The following NAV2 variants were observed in gnomAD, a reference collection of about 807,000 sequenced individuals.
NAV2 encodes helicase, APC down-regulated 1.
In NAV2, 54 loss-of-function variants were observed where a neutral mutation model predicts 223.2. The ratio of observed to expected loss-of-function variants is 0.24; its 90% confidence interval spans 0.19 to 0.30. NAV2 has a LOEUF of 0.30. Ranked by LOEUF, NAV2 falls within the 10% of genes least tolerant of loss-of-function variation. The probability of loss-of-function intolerance (pLI) is 1.00; values close to 1 mark genes in which losing one functional copy is unlikely to be tolerated. For missense variants in NAV2, 2,806 were observed against 3,147.5 expected (o/e 0.89, Z 2.60); for synonymous variants, 1,279 against 1,239.3 (o/e 1.03, Z -0.67).
intron 1 of NAV2, among the ~76,000 whole-genome samples, chr11:19,376,362 C>A (rs1286311584): frequency 2.0e-5 from 3 of 152,142 alleles, no homozygotes; most frequent in African/African-American, 7.2e-5. Context: ...GTTTACAAAG[C>A]ACCTTTATAA....
intron 11 of NAV2, among the ~76,000 whole-genome samples, chr11:19,997,736 A>T (rs549659608): frequency 4.6e-5 from 7 of 152,172 alleles, no homozygotes; most frequent in Non-Finnish European, 1.0e-4. Flanking sequence ...CAGAGACACC[A>T]GGCTGCCCCA....
chr11:19,947,863 G>A (rs947619538), intron 9 of NAV2, among the ~76,000 whole-genome samples: 2 of 152,114 alleles, frequency 1.3e-5, no homozygotes, highest in African/African-American at 4.8e-5. Context: ...ACTTTAGAGG[G>A]TTAGAAAATT....
At chr11:19,642,011 A>G (rs984460855) in intron 1 of NAV2, among the ~76,000 whole-genome samples, 1 of 152,222 alleles carries the variant, frequency 6.6e-6, no homozygotes, top group South Asian at 2.1e-4. Context: ...AGTGATTGGC[A>G]TATAGCAGGT....
chr11:19,624,779 C>G (rs548392405), intron 1 of NAV2, among the ~76,000 whole-genome samples: 4 of 152,040 alleles, frequency 2.6e-5, no homozygotes, highest in Non-Finnish European at 4.4e-5. Context: ...CACTGTCTGA[C>G]AAGCCCCAGT....
chr11:19,890,785 G>A (rs995607268), intron 5 of NAV2, among the ~76,000 whole-genome samples: 2 of 152,170 alleles, frequency 1.3e-5, no homozygotes, highest in Non-Finnish European at 2.9e-5. Flanking sequence ...GACCTCCTTG[G>A]CCAGATGTGC....
chr11:20,077,656 T>C, intron 23 of NAV2, 21 bp downstream of exon 23: 1 of 1,576,894 alleles, frequency 6.3e-7, no homozygotes, highest in Admixed American at 1.7e-5. Flanking sequence ...AAGGATACTT[T>C]AACCCTCCCT....
At position 19,564,159 on chromosome 11, in the gene NAV2, C is replaced by CG. The variant is rs1488568336; in HGVS notation, c.75+213137dup. Among the ~76,000 whole-genome samples the CG allele has an allele frequency of 9.9e-5, 15 of 152,110 alleles. No individual in the cohort carries two copies. In the East Asian group the frequency reaches 2.9e-3, roughly 29 times the overall value. ...GAAGCCTGGCCTACCCATTCTGTGG[C>CG]GGGGGCTTTGGGGAGTGCAGTGACA... On this transcript the variant is annotated intron_variant, in intron 1 of 37. Coordinates refer to the NAV2 transcript ENST00000360655.
chr11:19,414,640 A>G (rs1850288843), intron 1 of NAV2, among the ~76,000 whole-genome samples: 1 of 152,206 alleles, frequency 6.6e-6, no homozygotes, highest in African/African-American at 2.4e-5. Flanking sequence ...AACAGAATAT[A>G]CCATCTTCTC....
chr11:19,925,824 G>A (rs922209840), intron 6 of NAV2, among the ~76,000 whole-genome samples: 1 of 150,494 alleles, frequency 6.6e-6, no homozygotes, highest in Non-Finnish European at 1.5e-5. Context: ...ACCATTTATT[G>A]AAAAGACCAT....
At position 19,869,012 on chromosome 11, in the gene NAV2, T is replaced by G; in HGVS notation, c.511+15T>G. On this transcript the variant is annotated intron_variant, in intron 4 of 37. Transcript: ENST00000349880. ...GTCTGCAGAAGGTGAGTCAGAGCGCTTGTCACGAAGCTGCCTCTTCATCAT... is the reference window on the plus strand; with the variant it reads ...GTCTGCAGAAGGTGAGTCAGAGCGCGTGTCACGAAGCTGCCTCTTCATCAT... The G allele has an allele frequency of 1.2e-6, 2 of 1,613,164 alleles. No individual in the cohort carries two copies. Among genetic ancestry groups the G allele is most frequent in the South Asian group, 2.2e-5 (2 of 91,012 alleles).
intron 1 of NAV2, among the ~76,000 whole-genome samples, chr11:19,612,789 CTGTT>C (rs762129902): frequency 3.3e-4 from 51 of 152,340 alleles, no homozygotes; most frequent in Admixed American, 9.2e-4. Flanking sequence ...GACCTCCAAA[CTGTT>C]TGAACCTCTG....
intron 30 of NAV2, 113 bp from the exon 31 acceptor site, chr11:20,097,464 T>A (rs2153693744): frequency 1.1e-6 from 1 of 904,414 alleles, no homozygotes; most frequent in African/African-American, 1.7e-5. Flanking sequence ...CAATTTCAAC[T>A]CAGACATCTG....
At chr11:19,461,365 T>C (rs2133861987) in intron 1 of NAV2, among the ~76,000 whole-genome samples, 1 of 152,342 alleles carries the variant, frequency 6.6e-6, no homozygotes, top group South Asian at 2.1e-4. Context: ...CGGAGGGATT[T>C]CCTAGGAAAA....
intron 1 of NAV2, among the ~76,000 whole-genome samples, chr11:19,424,582 G>A (rs1366874070): frequency 6.6e-6 from 1 of 152,148 alleles, no homozygotes; most frequent in Admixed American, 6.6e-5. Context: ...ACGGAGTCTT[G>A]CTGTCTTCTA....
chr11:20,053,504 C>T (rs983490190), intron 17 of NAV2, among the ~76,000 whole-genome samples: 2 of 152,194 alleles, frequency 1.3e-5, no homozygotes, highest in Admixed American at 6.5e-5. Flanking sequence ...TGGTGGACCA[C>T]ATAACTTCTG....
upstream of NAV2, among the ~76,000 whole-genome samples, chr11:19,710,248 A>T (rs1360097212): frequency 6.6e-6 from 1 of 152,200 alleles, no homozygotes; most frequent in African/African-American, 2.4e-5. Context: ...ATGGCCCTTA[A>T]GATGAAATCC....
chr11:20,103,630 C>T (rs535530855), intron 33 of NAV2, 23 bp from the exon 34 acceptor site: 4 of 1,613,304 alleles, frequency 2.5e-6, no homozygotes, highest in Admixed American at 1.7e-5. Context: ...TCACAGCTTT[C>T]TTTTCCTTTA....
At chr11:19,777,743 G>C in intron 1 of NAV2, 3 of 414,270 alleles carry the variant, frequency 7.2e-6, no homozygotes, top group Non-Finnish European at 1.5e-5. Context: ...AGTCATTGAA[G>C]GGGGGTGGGA....
chr11:19,856,114 G>A (rs1253463467), intron 3 of NAV2, among the ~76,000 whole-genome samples: 1 of 152,180 alleles, frequency 6.6e-6, no homozygotes, highest in African/African-American at 2.4e-5. Flanking sequence ...ATTTGGCAAA[G>A]ATGTAAACAG....
Sources: allele counts gnomAD v4.1 joint callset (sites outside exome capture counted in the v4.1 genomes callset), GRCh38; gene constraint gnomAD v4.1.1; transcripts MANE v1.5; gene names NCBI Gene and HGNC (gene_info 2026-07-23, HGNC 2026-07-21).